SCRIB: variants seen among roughly 807,000 people sequenced by gnomAD.
SCRIB encodes protein scribble homolog.
Under a neutral mutation model 170.0 loss-of-function variants are expected in SCRIB, and 72 were observed. That is an observed-to-expected ratio of 0.42 (90% CI 0.35 to 0.52). The LOEUF is 0.52. Ranked by LOEUF, SCRIB falls within the 20% of genes least tolerant of loss-of-function variation. The pLI, the probability that SCRIB is intolerant of heterozygous loss-of-function variation, is 0.02. For synonymous variants in SCRIB, 1,298 were observed against 1,044.3 expected (o/e 1.24, Z -4.68); for missense variants, 2,475 against 2,338.5 (o/e 1.06, Z -1.20).
rs6558394 is a variant in SCRIB at position 143,810,914 on chromosome 8, G to A, written c.1265C>T (p.Pro422Leu). Reference sequence around the variant, plus strand: ...GGTTGCCAACAACCTACCGAGGCTGGGTGGGGGCTGCTGGGGCAGCAAGTA... The same window carrying A: ...GGTTGCCAACAACCTACCGAGGCTGAGTGGGGGCTGCTGGGGCAGCAAGTA... ...TCYLLPQQPP[P>L]SLEDAGQQGS... Residue 422 changes from proline (P) to leucine (L), a missense_variant, in exon 11 of 37, where the codon CCC becomes CTC. By Grantham distance (98) the Pro-to-Leu change is moderately conservative. Coordinates refer to ENST00000356994, the MANE Select transcript of SCRIB (RefSeq NM_182706.5). 0.62 allele frequency: 992,476 copies of A among 1,610,924 alleles called. 309,786 individuals carry two copies. The highest frequency in any genetic ancestry group is 0.69 in the Admixed American group (41,537 of 59,962).
At position 143,807,024 on chromosome 8, in the gene SCRIB, A is replaced by G. The variant is rs1455973650; in HGVS notation, c.2179-11T>C. 1 of 1,602,470 alleles carries G rather than the reference A, an allele frequency of 6.2e-7. No individual in the cohort carries two copies. The highest frequency in any genetic ancestry group is 8.5e-7 in the Non-Finnish European group (1 of 1,172,028). On this transcript the variant is annotated splice_polypyrimidine_tract_variant and intron_variant, in intron 16 of 36. Coordinates refer to ENST00000356994, the MANE Select transcript of SCRIB (RefSeq NM_182706.5). ...GATAGTGAGGGTCAGCTGGAAACAG[A>G]ACAGACAGGGTGTCTAGAAGGGCCG...
At chr8:143,796,704 G>A (rs1296298602) in intron 24 of SCRIB, among the ~76,000 whole-genome samples, 1 of 152,216 alleles carries the variant, frequency 6.6e-6, no homozygotes, top group African/African-American at 2.4e-5. Flanking sequence ...GTCTCTTTCA[G>A]ACTCACAGGA....
chr8:143,808,186 G>C (rs1815517629), intron 15 of SCRIB, among the ~76,000 whole-genome samples: 1 of 152,236 alleles, frequency 6.6e-6, no homozygotes, highest in Non-Finnish European at 1.5e-5. Flanking sequence ...CATGTAGACA[G>C]GCCCTGGAGA....
chr8:143,794,337 C>G lies in SCRIB; in HGVS notation c.3847-375G>C, dbSNP rs1814841604. The G allele has an allele frequency of 1.2e-5, 3 of 244,490 alleles. No individual in the cohort carries two copies. In the South Asian group the frequency reaches 3.3e-4, roughly 27 times the overall value. The allele number at this position is 244,490 out of a possible 1,614,324, so 15.1% of individuals were successfully genotyped here. A position where few individuals can be genotyped will look rare whatever the true frequency, so the allele number is the denominator to read the frequency against. On this transcript the variant is annotated intron_variant, in intron 27 of 36. Transcript: ENST00000356994. ...GCAGCCCTCAGGGCTCAGTGGCGCC[C>G]TGACTGCTGCCCCCATGACTGTGCT...
intron 24 of SCRIB, among the ~76,000 whole-genome samples, chr8:143,797,943 T>C (rs1385012530): frequency 6.6e-6 from 1 of 152,236 alleles, no homozygotes; most frequent in Non-Finnish European, 1.5e-5. Context: ...AGTTTAAAAT[T>C]CATTTATGTA....
At chr8:143,800,171 C>A (rs1308181151) in intron 24 of SCRIB, among the ~76,000 whole-genome samples, 1 of 152,076 alleles carries the variant, frequency 6.6e-6, no homozygotes, top group African/African-American at 2.4e-5. Context: ...TGTGTGAGAC[C>A]CCAGCTCCTC....
At chr8:143,809,782 T>A (rs1815622032) in intron 13 of SCRIB, 64 bp from the exon 14 acceptor site, 15 of 1,563,736 alleles carry the variant, frequency 9.6e-6, no homozygotes, top group Non-Finnish European at 1.3e-5. Context: ...CCACCTGGGA[T>A]GCCCCCCACG....
chr8:143,805,551 A>G, intron 18 of SCRIB, 116 bp from the exon 19 acceptor site: 1 of 1,084,498 alleles, frequency 9.2e-7, no homozygotes, highest in African/African-American at 1.7e-5. Context: ...GGGCGAGGGG[A>G]AAGGCCCCAG....
rs113548221 is a variant in SCRIB at position 143,810,534 on chromosome 8, C to T, written c.1475G>A (p.Arg492Gln). 2.0e-5 allele frequency: 33 copies of T among 1,613,198 alleles called. No individual in the cohort carries two copies. The highest frequency in any genetic ancestry group is 1.7e-4 in the Middle Eastern group (1 of 6,058). Residue 492 changes from arginine to glutamine, a missense_variant, in exon 13 of 37, where the codon CGG becomes CAG. By Grantham distance (43) the Arg-to-Gln change is conservative (BLOSUM62 1). Around this residue, in one of 3 missense-constraint regions of SCRIB, gnomAD observed 1,966 missense variants for 1,742.9 expected, o/e 1.13. Coordinates refer to ENST00000356994, the MANE Select transcript of SCRIB (RefSeq NM_182706.5). ...TGGCTGGCAAGGGCAGGCCTCGCTCCGCCGCCCCTCGATGCTCCTCTTCAT... is the reference window on the plus strand; with the variant it reads ...TGGCTGGCAAGGGCAGGCCTCGCTCTGCCGCCCCTCGATGCTCCTCTTCAT... ...KVMKRSIEGR[R>Q]SEACPCQPDS...
At chr8:143,792,940 C>A (rs1554633316) in intron 29 of SCRIB, 36 bp downstream of exon 29, 2 of 1,497,116 alleles carry the variant, frequency 1.3e-6, no homozygotes, top group East Asian at 2.4e-5. Context: ...CCCACCCCAA[C>A]CACGCGCAGC....
Position 143,813,223 on chromosome 8 carries a change from T to C in SCRIB, c.567+88A>G, listed in dbSNP as rs574837265. On this transcript the variant is annotated intron_variant, in intron 6 of 36. Transcript: ENST00000356994. Reference sequence around the variant, plus strand: ...CCCGCCTGCCCTCCCGAGGTGCCCCTTGCTGTCGGATCTGCTCGCTGTCCC... The same window carrying C: ...CCCGCCTGCCCTCCCGAGGTGCCCCCTGCTGTCGGATCTGCTCGCTGTCCC... The C allele has an allele frequency of 3.1e-6, 5 of 1,593,842 alleles. No homozygotes were observed. The African/African-American group carries it at 5.4e-5, about 17-fold the overall frequency.
Position 143,807,023 on chromosome 8 carries a change from G to T in SCRIB, c.2179-10C>A. 1 of 1,602,012 alleles carries T rather than the reference G, an allele frequency of 6.2e-7. No individual in the cohort carries two copies. Among genetic ancestry groups the T allele is most frequent in the Non-Finnish European group, 8.5e-7 (1 of 1,171,716 alleles). On this transcript the variant is annotated splice_polypyrimidine_tract_variant and intron_variant, in intron 16 of 36. Coordinates refer to ENST00000356994, the MANE Select transcript of SCRIB (RefSeq NM_182706.5). Reference sequence around the variant, plus strand: ...GGATAGTGAGGGTCAGCTGGAAACAGAACAGACAGGGTGTCTAGAAGGGCC... The same window carrying T: ...GGATAGTGAGGGTCAGCTGGAAACATAACAGACAGGGTGTCTAGAAGGGCC...
Position 143,813,471 on chromosome 8 carries a change from C to G in SCRIB, c.502G>C (p.Ala168Pro). ...LRENLLKSLPASLSFLVKLEQ... is the reference protein window; with the variant it reads ...LRENLLKSLPPSLSFLVKLEQ... Reference sequence around the variant, plus strand: ...TAGGAGAATGCCTGTCACACTCACGCTGGCAGGGACTTGAGCAGGTTCTCC... The same window carrying G: ...TAGGAGAATGCCTGTCACACTCACGGTGGCAGGGACTTGAGCAGGTTCTCC... Residue 168 changes from alanine to proline, a missense_variant and splice_region_variant, in exon 5 of 37, where the codon GCG (alanine) becomes CCG (proline). Physicochemically the swap from Ala to Pro is conservative, Grantham distance 27. This residue lies in a region of SCRIB where 487 missense variants were observed against 558.1 expected (regional missense o/e 0.87). Coordinates refer to ENST00000356994, the MANE Select transcript of SCRIB (RefSeq NM_182706.5). 1 of 1,613,252 alleles carries G rather than the reference C, an allele frequency of 6.2e-7. No individual in the cohort carries two copies. The highest frequency in any genetic ancestry group is 1.3e-5 in the African/African-American group (1 of 75,062).
chr8:143,813,550 G>C, intron 4 of SCRIB, 24 bp from the exon 5 acceptor site: 1 of 1,613,208 alleles, frequency 6.2e-7, no homozygotes, highest in Non-Finnish European at 8.5e-7. Context: ...CAGGCGCTGG[G>C]GCAAGAGGAA....
intron 21 of SCRIB, 35 bp from the exon 22 acceptor site, chr8:143,804,191 G>A (rs1554635795): frequency 1.3e-6 from 2 of 1,490,756 alleles, no homozygotes; most frequent in Non-Finnish European, 1.8e-6. Context: ...ACAGGCCTCG[G>A]TCAGGACAGG....
Position 143,807,028 on chromosome 8 carries a change from G to C in SCRIB, c.2179-15C>G. 2 of 1,596,016 alleles carry C rather than the reference G, an allele frequency of 1.3e-6. No individual in the cohort carries two copies. Among genetic ancestry groups the C allele is most frequent in the South Asian group, 1.1e-5 (1 of 89,340 alleles). ...GTGAGGGTCAGCTGGAAACAGAACAGACAGGGTGTCTAGAAGGGCCGCAGT... is the reference window on the plus strand; with the variant it reads ...GTGAGGGTCAGCTGGAAACAGAACACACAGGGTGTCTAGAAGGGCCGCAGT... On this transcript the variant is annotated splice_polypyrimidine_tract_variant and intron_variant, in intron 16 of 36. Transcript: ENST00000356994.
chr8:143,811,900 G>T, intron 9 of SCRIB, among the ~76,000 whole-genome samples: 1 of 152,158 alleles, frequency 6.6e-6, no homozygotes, highest in East Asian at 1.9e-4. Flanking sequence ...GCCTCAGCTT[G>T]CCCTGCTTTG....
intron 13 of SCRIB, among the ~76,000 whole-genome samples, chr8:143,810,033 C>T (rs943972679): frequency 2.6e-5 from 4 of 152,146 alleles, no homozygotes; most frequent in Non-Finnish European, 4.4e-5. Flanking sequence ...CCATGCACGG[C>T]CCCACACACC....
intron 8 of SCRIB, 94 bp downstream of exon 8, chr8:143,812,723 C>T: frequency 6.8e-7 from 1 of 1,465,912 alleles, no homozygotes; most frequent in Non-Finnish European, 9.3e-7. Context: ...AGGATCCTCC[C>T]CTGTGTTCCA....
Sources: allele counts gnomAD v4.1 joint callset (sites outside exome capture counted in the v4.1 genomes callset), GRCh38; gene constraint gnomAD v4.1.1; regional missense constraint gnomAD v4.1.1; transcripts MANE v1.5; gene names NCBI Gene and HGNC (gene_info 2026-07-23, HGNC 2026-07-21).